The following KIF20B variants were observed in gnomAD, a reference collection of about 807,000 sequenced individuals.
KIF20B encodes kinesin-like protein KIF20B.
In KIF20B, 188 loss-of-function variants were observed where a neutral mutation model predicts 232.5. The ratio of observed to expected loss-of-function variants is 0.81; its 90% confidence interval spans 0.72 to 0.91. The LOEUF (loss-of-function observed/expected upper bound fraction) is 0.91. KIF20B is among the 40% of genes least tolerant of loss of function. KIF20B has a pLI of 0.00. For synonymous variants in KIF20B, 712 were observed against 683.0 expected (o/e 1.04, Z -0.66); for missense variants, 2,154 against 2,055.9 (o/e 1.05, Z -0.92).
Position 89,752,619 on chromosome 10 carries a change from A to G in KIF20B, c.4275A>G (p.Gln1425=). The part of the protein sequence containing the change: ...KCNDLETKNN[Q]RSNKEHENNT... Reference sequence around the variant, plus strand: ...ATGATTTGGAAACCAAAAACAATCAAAGGTCAAATAAAGAACATGAGAACA... The same window carrying G: ...ATGATTTGGAAACCAAAAACAATCAGAGGTCAAATAAAGAACATGAGAACA... Residue 1425 remains glutamine, a synonymous_variant, in exon 25 of 33, where the codon CAA becomes CAG. Transcript: ENST00000371728. 1.2e-6 allele frequency: 2 copies of G among 1,606,714 alleles called. No homozygotes were observed. Among genetic ancestry groups the G allele is most frequent in the Non-Finnish European group, 1.7e-6 (2 of 1,176,476 alleles).
In KIF20B at chr10:89,738,975, C is replaced by T; in HGVS notation, c.3794C>T (p.Ser1265Phe). ...TTTTTTAGATTGAAAGAGGAACTCT[C>T]TGCAAGCTCTGCTCGTACCCAGAAT... ...QETEKLKEEL[S>F]ASSARTQNLK... Residue 1265 changes from serine (S) to phenylalanine (F), a missense_variant, in exon 21 of 33, where the codon TCT becomes TTT. By Grantham distance (155) the Ser-to-Phe change is radical. Coordinates refer to ENST00000371728, the MANE Select transcript of KIF20B (RefSeq NM_001284259.2). 3 of 1,612,280 alleles carry T rather than the reference C, an allele frequency of 1.9e-6. No homozygotes were observed. The highest frequency in any genetic ancestry group is 2.5e-6 in the Non-Finnish European group (3 of 1,179,370).
intron 21 of KIF20B, among the ~76,000 whole-genome samples, chr10:89,742,266 G>A (rs56318555): frequency 1.3e-5 from 2 of 152,056 alleles, no homozygotes; most frequent in East Asian, 3.8e-4. Flanking sequence ...AGTGTGTTTC[G>A]ATTGATGGTG....
At chr10:89,727,459 A>AT (rs1191045793) in intron 16 of KIF20B, among the ~76,000 whole-genome samples, 1 of 152,156 alleles carries the variant, frequency 6.6e-6, no homozygotes, top group Non-Finnish European at 1.5e-5. Context: ...TAATATCTGC[A>AT]TTTTAAGAAT....
At position 89,741,207 on chromosome 10, in the gene KIF20B, G is replaced by A. The variant is rs140857517; in HGVS notation, c.3915+2111G>A. Among the ~76,000 whole-genome samples the A allele has an allele frequency of 1.9e-3, 282 of 152,316 alleles. 1 individual carries two copies. Among genetic ancestry groups the A allele is most frequent in the Admixed American group, 0.015 (223 of 15,300 alleles). ...GCACAACCTAGGTTCATTGCATGCA[G>A]AGTTCACAATAGGGTTTGCACTCCT... is the stretch of plus-strand genomic sequence containing the variant. On this transcript the variant is annotated intron_variant, in intron 21 of 32. Coordinates refer to ENST00000371728, the MANE Select transcript of KIF20B (RefSeq NM_001284259.2).
chr10:89,706,238 C>T lies in KIF20B; in HGVS notation c.147+797C>T, dbSNP rs1180039334. On this transcript the variant is annotated intron_variant, in intron 2 of 32. Coordinates refer to ENST00000371728, the MANE Select transcript of KIF20B (RefSeq NM_001284259.2). ...TTTAGTTTGCCCTTTCTAATGAGCA[C>T]TCTTTCAAGTATTCTTGGCCATTTT... Among the ~76,000 whole-genome samples, 3 of 152,116 alleles carry T rather than the reference C, an allele frequency of 2.0e-5. No homozygotes were observed. The East Asian group carries it at 5.8e-4, about 29-fold the overall frequency.
intron 18 of KIF20B, among the ~76,000 whole-genome samples, 178 bp downstream of exon 18, chr10:89,729,425 G>A (rs180759160): frequency 6.6e-6 from 1 of 152,306 alleles, no homozygotes; most frequent in Admixed American, 6.5e-5. Flanking sequence ...GAACTTAGAC[G>A]AGGGTGTTTG....
At position 89,701,881 on chromosome 10, in the gene KIF20B, G is replaced by A. The variant is rs150800197; in HGVS notation, c.-2+201G>A. The stretch of plus-strand genomic sequence containing the variant: ...GCGAGGAATGAGTCATACTAATTCG[G>A]TTACGGTTTAAATCTCGCCTCCACT... On this transcript the variant is annotated intron_variant, in intron 1 of 32. Coordinates refer to ENST00000371728, the MANE Select transcript of KIF20B (RefSeq NM_001284259.2). Among the ~76,000 whole-genome samples the A allele has an allele frequency of 3.0e-3, 459 of 152,292 alleles. 3 individuals carry two copies. The highest frequency in any genetic ancestry group is 0.01 in the African/African-American group (429 of 41,556).
intron 27 of KIF20B, among the ~76,000 whole-genome samples, chr10:89,759,146 G>A (rs1477854974): frequency 6.6e-6 from 1 of 151,844 alleles, no homozygotes; most frequent in Non-Finnish European, 1.5e-5. Flanking sequence ...TAATTACTTT[G>A]GTAGAGTAAT....
intron 31 of KIF20B, among the ~76,000 whole-genome samples, chr10:89,770,061 C>A (rs1390296774): frequency 6.6e-6 from 1 of 152,022 alleles, no homozygotes; most frequent in Non-Finnish European, 1.5e-5. Context: ...CCCAAAGAAC[C>A]ACTAGTAGTC....
chr10:89,705,703 C>G (rs541600728), intron 2 of KIF20B, among the ~76,000 whole-genome samples: 71 of 152,258 alleles, frequency 4.7e-4, no homozygotes, highest in African/African-American at 1.6e-3. Flanking sequence ...TTACTACATC[C>G]GTTGTGGCAC....
chr10:89,746,875 A>G (rs1841921539), intron 23 of KIF20B, among the ~76,000 whole-genome samples: 1 of 152,272 alleles, frequency 6.6e-6, no homozygotes, highest in African/African-American at 2.4e-5. Context: ...ATTCTAATGA[A>G]TAATTTGTTA....
At chr10:89,713,318 G>A (rs888592348) in intron 6 of KIF20B, among the ~76,000 whole-genome samples, 4 of 144,278 alleles carry the variant, frequency 2.8e-5, no homozygotes, top group African/African-American at 1.0e-4. Context: ...CCGAGATTGC[G>A]CCACTACATT....
chr10:89,764,993 A>T (rs1842324483), intron 29 of KIF20B, among the ~76,000 whole-genome samples: 1 of 151,562 alleles, frequency 6.6e-6, no homozygotes, highest in South Asian at 2.1e-4. Context: ...CTGAATGGTA[A>T]TGCCCAGGTT....
chr10:89,725,368 TA>T (rs398114624), intron 15 of KIF20B, among the ~76,000 whole-genome samples: 12 of 90,022 alleles, frequency 1.3e-4, no homozygotes, highest in African/African-American at 4.3e-4. Context: ...ATACCTCTGT[TA>T]TATATATATA....
In KIF20B at chr10:89,737,539, A is replaced by G; in HGVS notation, c.2698A>G (p.Asn900Asp). ...ACTCACTATTGAGAATGAACTTAAA[A>G]ATGAAAAGGAAGAAAAAGCAGAATT... ...FLLTIENELK[N>D]EKEEKAELNK... Residue 900 changes from asparagine (N) to aspartate (D), a missense_variant, in exon 20 of 33, where the codon AAT (asparagine) becomes GAT (aspartate). By Grantham distance (23) the Asn-to-Asp change is conservative. Transcript: ENST00000371728. The G allele has an allele frequency of 6.2e-7, 1 of 1,608,244 alleles. No homozygotes were observed. Among genetic ancestry groups the G allele is most frequent in the Non-Finnish European group, 8.5e-7 (1 of 1,177,534 alleles).
At chr10:89,705,214 T>C in intron 1 of KIF20B, 80 bp from the exon 2 acceptor site, 1 of 1,194,898 alleles carries the variant, frequency 8.4e-7, no homozygotes, top group Non-Finnish European at 1.2e-6. Flanking sequence ...AGGGAAGTAG[T>C]GGGCTAGACT....
At chr10:89,742,362 G>C (rs1188123402) in intron 21 of KIF20B, among the ~76,000 whole-genome samples, 1 of 152,084 alleles carries the variant, frequency 6.6e-6, no homozygotes, top group Non-Finnish European at 1.5e-5. Flanking sequence ...CATATCCCCT[G>C]TGGATAAGGG....
intron 25 of KIF20B, 54 bp from the exon 26 acceptor site, chr10:89,754,464 G>A: frequency 8.5e-7 from 1 of 1,170,978 alleles, no homozygotes; most frequent in Non-Finnish European, 1.2e-6. Flanking sequence ...ATAGAAACAT[G>A]TATTGACTAC....
chr10:89,749,383 T>C (rs1218622970), intron 23 of KIF20B, among the ~76,000 whole-genome samples: 1 of 152,190 alleles, frequency 6.6e-6, no homozygotes, highest in Non-Finnish European at 1.5e-5. Context: ...AGATCTAATA[T>C]ATGTAACATA....
Sources: gnomAD v4.1 joint callset for allele counts (sites outside exome capture counted in the v4.1 genomes callset) on GRCh38, gnomAD v4.1.1 for gene constraint, MANE v1.5 for transcripts, NCBI Gene and HGNC (gene_info 2026-07-23, HGNC 2026-07-21) for gene names.